Variants in RALYL observed in about 807,000 individuals in gnomAD.
RALYL encodes RNA-binding Raly-like protein.
Under a neutral mutation model 35.1 loss-of-function variants are expected in RALYL, and 29 were observed. The ratio of observed to expected loss-of-function variants is 0.83; its 90% CI spans 0.61 to 1.13. RALYL has a LOEUF of 1.13. Among genes scored for constraint, RALYL ranks in the 50% most tolerant of loss-of-function variants. RALYL has a pLI of 0.00. For synonymous variants in RALYL, 120 were observed against 127.6 expected (o/e 0.94, Z 0.40); for missense variants, 359 against 360.4 (o/e 1.00, Z 0.03).
intron 2 of RALYL, among the ~76,000 whole-genome samples, chr8:84,530,946 T>C (rs2059239096): frequency 6.6e-6 from 1 of 152,138 alleles, no homozygotes; most frequent in Admixed American, 6.5e-5. Context: ...AACAGGTCTT[T>C]GCTAATTATT....
rs182223535 is a variant in RALYL at position 84,419,129 on chromosome 8, G to A, written c.-23-110170G>A. On this transcript the variant is annotated intron_variant, in intron 1 of 8. Coordinates refer to ENST00000521268, the MANE Select transcript of RALYL (RefSeq NM_173848.7). Reference sequence around the variant, plus strand: ...AGTTTCCCTTGCCACTTCCCAGATTGGTAGTCCAACCCCTTCTCTGTGTCT... The same window carrying A: ...AGTTTCCCTTGCCACTTCCCAGATTAGTAGTCCAACCCCTTCTCTGTGTCT... Among the ~76,000 whole-genome samples, 85 of 152,242 alleles carry A rather than the reference G, an allele frequency of 5.6e-4. 1 individual carries two copies. The East Asian group carries it at 8.1e-3, about 15-fold the overall frequency.
At chr8:84,283,734 C>T (rs1837064896) in intron 1 of RALYL, among the ~76,000 whole-genome samples, 1 of 152,106 alleles carries the variant, frequency 6.6e-6, no homozygotes, top group Admixed American at 6.5e-5. Flanking sequence ...TAATATCACC[C>T]AATAGATTGG....
chr8:84,478,883 G>A (rs902475918), intron 1 of RALYL, among the ~76,000 whole-genome samples: 5 of 134,620 alleles, frequency 3.7e-5, no homozygotes, highest in Admixed American at 1.6e-4. Flanking sequence ...TCAGGAGATC[G>A]AGACTATCCT....
chr8:84,240,123 C>A (rs6996404), intron 1 of RALYL, among the ~76,000 whole-genome samples: 74,800 of 151,882 alleles, frequency 0.49, 18,563 homozygotes, highest in South Asian at 0.55. Flanking sequence ...TTATTGTAGA[C>A]ACACTAAATT....
At chr8:84,317,364 A>G (rs574213591) in intron 1 of RALYL, among the ~76,000 whole-genome samples, 1 of 152,286 alleles carries the variant, frequency 6.6e-6, no homozygotes, top group Admixed American at 6.5e-5. Context: ...AACTGCATAC[A>G]GATTTTTACC....
At chr8:84,521,177 C>T (rs1365358115) in intron 1 of RALYL, among the ~76,000 whole-genome samples, 1 of 152,006 alleles carries the variant, frequency 6.6e-6, no homozygotes. Flanking sequence ...AGGAATTGTG[C>T]CCTTATAAGA....
intron 1 of RALYL, among the ~76,000 whole-genome samples, chr8:84,519,378 C>T (rs2058294980): frequency 6.6e-6 from 1 of 152,162 alleles, no homozygotes; most frequent in South Asian, 2.1e-4. Flanking sequence ...AAAGTCTTAG[C>T]AGTTTGTAGC....
intron 5 of RALYL, among the ~76,000 whole-genome samples, chr8:84,851,837 G>A (rs1367725474): frequency 1.3e-5 from 2 of 152,028 alleles, no homozygotes; most frequent in Admixed American, 6.6e-5. Context: ...TGTTCCTCTC[G>A]CTCAGCGCCC....
At chr8:84,433,955 G>A (rs1366474807) in intron 1 of RALYL, among the ~76,000 whole-genome samples, 1 of 151,774 alleles carries the variant, frequency 6.6e-6, no homozygotes, top group East Asian at 1.9e-4. Flanking sequence ...CAATTGGTCA[G>A]CTTAATGATG....
At chr8:84,537,349 G>A (rs1339085139) in intron 2 of RALYL, among the ~76,000 whole-genome samples, 1 of 151,300 alleles carries the variant, frequency 6.6e-6, no homozygotes, top group Non-Finnish European at 1.5e-5. Context: ...ATGCACCTGT[G>A]ATCTTAGCTA....
At chr8:84,210,703 T>A (rs183367507) in intron 1 of RALYL, among the ~76,000 whole-genome samples, 25 of 152,308 alleles carry the variant, frequency 1.6e-4, no homozygotes, top group Non-Finnish European at 3.1e-4. Flanking sequence ...ATTGTATAGT[T>A]TGCTGAACAT....
At chr8:84,287,317 AG>A (rs1837815399) in intron 1 of RALYL, among the ~76,000 whole-genome samples, 2 of 142,612 alleles carry the variant, frequency 1.4e-5, no homozygotes, top group Non-Finnish European at 3.1e-5. Context: ...CTACTGGGCT[AG>A]GTTATTAGGA....
chr8:84,198,843 C>G (rs578052766), intron 1 of RALYL, among the ~76,000 whole-genome samples: 3 of 152,248 alleles, frequency 2.0e-5, no homozygotes, highest in East Asian at 3.9e-4. Flanking sequence ...TTTTCTGTGT[C>G]TGAATAGTAC....
chr8:84,879,063 C>T (rs1204129835), intron 7 of RALYL, among the ~76,000 whole-genome samples: 3 of 152,150 alleles, frequency 2.0e-5, no homozygotes, highest in Non-Finnish European at 4.4e-5. Context: ...ACAGAGCCTT[C>T]CTAAAGCATG....
chr8:84,864,056 A>G (rs535042658), intron 6 of RALYL, among the ~76,000 whole-genome samples: 77 of 152,196 alleles, frequency 5.1e-4, no homozygotes, highest in Non-Finnish European at 1.1e-3. Context: ...AGAAAGACAA[A>G]TTACCAAAGT....
At chr8:84,672,648 A>T (rs949834837) in intron 2 of RALYL, among the ~76,000 whole-genome samples, 1 of 152,210 alleles carries the variant, frequency 6.6e-6, no homozygotes, top group African/African-American at 2.4e-5. Context: ...CAGAAGGCAA[A>T]GGAGGAGCAA....
intron 5 of RALYL, among the ~76,000 whole-genome samples, chr8:84,859,821 G>A (rs988976192): frequency 3.9e-5 from 6 of 151,954 alleles, no homozygotes; most frequent in African/African-American, 1.5e-4. Context: ...CTCCAGCCTG[G>A]GTGACAGAGT....
chr8:84,826,507 C>T (rs1215144952), intron 4 of RALYL, among the ~76,000 whole-genome samples: 2 of 152,014 alleles, frequency 1.3e-5, no homozygotes, highest in East Asian at 3.9e-4. Flanking sequence ...ATTTAAAATA[C>T]TAGGGTATAC....
chr8:84,690,251 C>T (rs1837752238), intron 2 of RALYL, among the ~76,000 whole-genome samples: 1 of 152,006 alleles, frequency 6.6e-6, no homozygotes, highest in Admixed American at 6.6e-5. Flanking sequence ...ATTTAGAGGA[C>T]ATGATGCTAA....
Sources: gnomAD v4.1 joint callset for allele counts (sites outside exome capture counted in the v4.1 genomes callset) on GRCh38, gnomAD v4.1.1 for gene constraint, MANE v1.5 for transcripts, NCBI Gene and HGNC (gene_info 2026-07-23, HGNC 2026-07-21) for gene names.